The following MDM2 variants were observed in gnomAD, a reference collection of about 807,000 sequenced individuals.
MDM2 encodes the protein MDM2 proto-oncogene, also known as E3 ubiquitin-protein ligase Mdm2.
A neutral mutation model predicts 64.3 loss-of-function variants in MDM2; 11 were observed. The ratio of observed to expected loss-of-function variants is 0.17; its 90% CI spans 0.11 to 0.28. The LOEUF is 0.28. MDM2 is among the 10% of genes least tolerant of loss of function. The pLI, the probability that MDM2 is intolerant of heterozygous loss-of-function variation, is 1.00. For synonymous variants in MDM2, 194 were observed against 192.9 expected, an observed-to-expected ratio of 1.01 and a Z score of -0.05; for missense variants, 388 against 577.1, an observed-to-expected ratio of 0.67 and a Z score of 3.36.
At chr12:68,829,033 A>C in intron 8 of MDM2, 102 bp downstream of exon 8, 1 of 1,172,392 alleles carries the variant, frequency 8.5e-7, no homozygotes, top group Non-Finnish European at 1.2e-6. Context: ...GTCTTACGAG[A>C]TTGATAGAAA....
intron 8 of MDM2, among the ~76,000 whole-genome samples, chr12:68,829,547 C>A (rs938425393): frequency 1.3e-5 from 2 of 152,038 alleles, no homozygotes; most frequent in Non-Finnish European, 1.5e-5. Context: ...GGGTGGATCA[C>A]CTGAGGTCAG....
downstream of MDM2, chr12:68,846,036 C>T (rs1290804109): frequency 6.6e-6 from 1 of 152,148 alleles, no homozygotes; most frequent in African/African-American, 2.4e-5. Flanking sequence ...TCATTGCAAC[C>T]TCCACCTCCC....
chr12:68,831,305 A>T (rs1360443848), intron 8 of MDM2, among the ~76,000 whole-genome samples: 1 of 152,194 alleles, frequency 6.6e-6, no homozygotes. Context: ...TTACATTCTG[A>T]CAATACTAGC....
intron 10 of MDM2, among the ~76,000 whole-genome samples, 200 bp from the exon 11 acceptor site, chr12:68,839,074 T>TAAA (rs1883532340): frequency 6.7e-6 from 1 of 148,628 alleles, no homozygotes; most frequent in Non-Finnish European, 1.5e-5. Context: ...TCTATTCTTT[T>TAAA]AGTAAATTTC....
rs1475069727 is a variant in MDM2 at position 68,842,700 on chromosome 12, A to G, written c.*2851A>G. The G allele has an allele frequency of 5.1e-6, 1 of 197,934 alleles. No homozygotes were observed. The highest frequency in any genetic ancestry group is 1.1e-5 in the Non-Finnish European group (1 of 94,396). 12.3% of individuals were successfully genotyped at this position (197,934 alleles called of 1,614,324 possible). The stretch of plus-strand genomic sequence containing the variant: ...AAATTTATGGCTAGTGATATATATA[A>G]AGTAAAATTTTCTTTGCAGTAAAAT... On this transcript the variant is annotated 3_prime_UTR_variant, in exon 11 of 11. Coordinates refer to ENST00000258149, the MANE Select transcript of MDM2 (RefSeq NM_002392.6).
chr12:68,808,481 G>T lies in MDM2; in HGVS notation c.4G>T (p.Val2Leu), dbSNP rs1390633476. M[V>L]RSRQMCNTNM... ...ACTCCAAGCGCGAAAACCCCGGATG[G>T]TGAGGAGCAGGTACTGGCCCGGCAG... is the stretch of plus-strand genomic sequence containing the variant. Residue 2 changes from valine (V) to leucine (L), a missense_variant, in exon 1 of 11, where the codon GTG becomes TTG. This residue lies in a region of MDM2 where 46 missense variants were observed against 45.2 expected (regional missense o/e 1.02). Coordinates refer to ENST00000258149, the MANE Select transcript of MDM2 (RefSeq NM_002392.6). 2 of 1,614,160 alleles carry T rather than the reference G, an allele frequency of 1.2e-6. No individual in the cohort carries two copies. Among genetic ancestry groups the T allele is most frequent in the Admixed American group, 3.3e-5 (2 of 60,026 alleles).
At position 68,839,884 on chromosome 12, in the gene MDM2, CTATA is replaced by C; in HGVS notation, c.*38_*41del. The stretch of plus-strand genomic sequence containing the variant: ...CTATAAGAGAATTATATATTTCTAA[CTATA>C]TAACCCTAGGAATTTAGACAACCTG... On this transcript the variant is annotated 3_prime_UTR_variant, in exon 11 of 11. Coordinates refer to ENST00000258149, the MANE Select transcript of MDM2 (RefSeq NM_002392.6). The C allele has an allele frequency of 3.9e-6, 6 of 1,553,494 alleles. No individual in the cohort carries two copies. The highest frequency in any genetic ancestry group is 2.6e-6 in the Non-Finnish European group (3 of 1,142,400).
At position 68,820,318 on chromosome 12, in the gene MDM2, C is replaced by A; in HGVS notation, c.309-7C>A. The A allele has an allele frequency of 1.3e-6, 2 of 1,558,876 alleles. No homozygotes were observed. Among genetic ancestry groups the A allele is most frequent in the South Asian group, 1.2e-5 (1 of 83,840 alleles). ...CTCTTGTTATTTTTTTTTTTTCTGT[C>A]TACAAGGAAAATATATACCATGATC... On this transcript the variant is annotated splice_region_variant and splice_polypyrimidine_tract_variant and intron_variant, in intron 4 of 10. Transcript: ENST00000258149.
At chr12:68,809,404 C>CA in intron 2 of MDM2, 112 bp downstream of exon 2, 1 of 993,388 alleles carries the variant, frequency 1.0e-6, no homozygotes. Context: ...ATTGTATGTG[C>CA]ATAGCTTAAA....
intron 8 of MDM2, among the ~76,000 whole-genome samples, chr12:68,832,579 A>T (rs1882883574): frequency 1.3e-5 from 2 of 151,986 alleles, no homozygotes; most frequent in South Asian, 4.1e-4. Flanking sequence ...GCGCATGATC[A>T]TGGCTTACTG....
Position 68,840,647 on chromosome 12 carries a change from A to G in MDM2, c.*798A>G. 5.8e-6 allele frequency: 1 copy of G among 171,986 alleles called. No individual in the cohort carries two copies. Among genetic ancestry groups the G allele is most frequent in the Non-Finnish European group, 1.3e-5 (1 of 79,460 alleles). The allele number at this position is 171,986 out of a possible 1,614,324, so 10.7% of individuals were successfully genotyped here. ...CAGCCTCTGGAGCAGCTGGGATTACAGGCATGCACCACCATGCCCAGCTAA... is the reference window on the plus strand; with the variant it reads ...CAGCCTCTGGAGCAGCTGGGATTACGGGCATGCACCACCATGCCCAGCTAA... On this transcript the variant is annotated 3_prime_UTR_variant, in exon 11 of 11. Coordinates refer to ENST00000258149, the MANE Select transcript of MDM2 (RefSeq NM_002392.6).
chr12:68,824,122 A>C, intron 5 of MDM2: 1 of 440,372 alleles, frequency 2.3e-6, no homozygotes, highest in Non-Finnish European at 4.0e-6. Context: ...CTCTCTGCTA[A>C]TTTATCTAAC....
intron 1 of MDM2, 90 bp from the exon 2 acceptor site, chr12:68,809,118 T>G (rs1183505604): frequency 6.4e-7 from 1 of 1,566,422 alleles, no homozygotes; most frequent in Non-Finnish European, 8.6e-7. Context: ...GCTTTAGTTT[T>G]AACTGTTGTT....
intron 3 of MDM2, among the ~76,000 whole-genome samples, chr12:68,814,052 T>C (rs1005544883): frequency 1.3e-5 from 2 of 152,342 alleles, no homozygotes; most frequent in East Asian, 1.9e-4. Context: ...ATAATAAATA[T>C]AATGTTTTTT....
chr12:68,821,030 A>T (rs536178368), intron 5 of MDM2, among the ~76,000 whole-genome samples: 1 of 145,874 alleles, frequency 6.9e-6, no homozygotes, highest in Admixed American at 6.9e-5. Flanking sequence ...TTGGGAAGAG[A>T]TGTACACAGT....
chr12:68,829,099 A>C (rs895311032), intron 8 of MDM2, among the ~76,000 whole-genome samples, 168 bp downstream of exon 8: 10 of 152,206 alleles, frequency 6.6e-5, no homozygotes, highest in Admixed American at 1.3e-4. Flanking sequence ...TCCACCTTCA[A>C]CCCAAGGTAT....
chr12:68,820,507 ATAAAT>A, intron 5 of MDM2, 133 bp downstream of exon 5: 1 of 704,846 alleles, frequency 1.4e-6, no homozygotes. Context: ...TAAAAGTATG[ATAAAT>A]TTATTAGAAG....
chr12:68,810,331 A>G (rs550557179), intron 2 of MDM2, among the ~76,000 whole-genome samples: 127 of 152,058 alleles, frequency 8.4e-4, no homozygotes, highest in African/African-American at 2.8e-3. Context: ...AAAGAAAAGA[A>G]AAAGATTTTA....
intron 5 of MDM2, among the ~76,000 whole-genome samples, chr12:68,823,261 A>G (rs1565738030): frequency 2.0e-5 from 3 of 151,230 alleles, no homozygotes. Context: ...CAAGGGGGGT[A>G]GTAAAGGGTA....
Sources: gnomAD v4.1 joint callset for allele counts (sites outside exome capture counted in the v4.1 genomes callset) on GRCh38, gnomAD v4.1.1 for gene constraint, gnomAD v4.1.1 regional missense constraint, MANE v1.5 for transcripts, NCBI Gene and HGNC (gene_info 2026-07-23, HGNC 2026-07-21) for gene names.